SSH2: variants seen among roughly 807,000 people sequenced by gnomAD.
SSH2 encodes protein phosphatase Slingshot homolog 2.
Under a neutral mutation model 135.2 loss-of-function variants are expected in SSH2, and 37 were observed. The ratio of observed to expected loss-of-function variants is 0.27; its 90% CI spans 0.21 to 0.36. SSH2 has a LOEUF of 0.36. Among genes scored for constraint, SSH2 ranks in the 10% least tolerant of loss-of-function variants. The probability of loss-of-function intolerance (pLI) is 1.00; values close to 1 mark genes in which losing one functional copy is unlikely to be tolerated. For missense variants in SSH2, 1,408 were observed against 1,765.3 expected (o/e 0.80, Z 3.63); for synonymous variants, 628 against 646.2 (o/e 0.97, Z 0.43).
Position 29,676,900 on chromosome 17 carries a change from G to T in SSH2, c.549-15C>A. ...CACTGAACCCACTAAGGACAAATGA[G>T]AACAAGACAAAAATCCACAAATTAG... On this transcript the variant is annotated splice_polypyrimidine_tract_variant and intron_variant, in intron 7 of 15. Transcript: ENST00000540801. 1 of 1,611,248 alleles carries T rather than the reference G, an allele frequency of 6.2e-7. No homozygotes were observed. Among genetic ancestry groups the T allele is most frequent in the South Asian group, 1.1e-5 (1 of 90,908 alleles).
chr17:29,913,347 AATATATATATATAT>A lies in SSH2; in HGVS notation c.63+16577_63+16590del, dbSNP rs56068605. Among the ~76,000 whole-genome samples the A allele has an allele frequency of 4.9e-4, 14 of 28,786 alleles. 1 individual carries two copies. Among genetic ancestry groups the A allele is most frequent in the African/African-American group, 1.1e-3 (9 of 8,056 alleles). The allele number at this position is 28,786 out of a possible 152,430, so 18.9% of individuals were successfully genotyped here. A position where few individuals can be genotyped will look rare whatever the true frequency, so the allele number is the denominator to read the frequency against. On this transcript the variant is annotated intron_variant, in intron 1 of 15. Coordinates refer to ENST00000540801, the MANE Select transcript of SSH2 (RefSeq NM_001282129.2). ...AAAAAAAAAAAAAAAAAAAAAAAAA[AATATATATATATAT>A]ATATATATATATATATATATATCCA...
intron 1 of SSH2, among the ~76,000 whole-genome samples, chr17:29,876,248 C>T (rs1047839368): frequency 6.8e-6 from 1 of 146,654 alleles, no homozygotes; most frequent in African/African-American, 2.5e-5. Context: ...AATTATACTA[C>T]AAAGGAATAG....
intron 3 of SSH2, among the ~76,000 whole-genome samples, chr17:29,752,189 T>C (rs1231514255): frequency 6.6e-6 from 1 of 152,100 alleles, no homozygotes; most frequent in Non-Finnish European, 1.5e-5. Flanking sequence ...AAAGTGAAAA[T>C]TGATAAGCTG....
intron 1 of SSH2, among the ~76,000 whole-genome samples, chr17:29,869,508 G>A (rs2151419806): frequency 6.6e-6 from 1 of 152,216 alleles, no homozygotes. Context: ...CTAAGCTTTA[G>A]GCCAAAGGGA....
intron 1 of SSH2, among the ~76,000 whole-genome samples, chr17:29,911,078 T>C (rs1250548026): frequency 6.6e-6 from 1 of 152,226 alleles, no homozygotes; most frequent in Non-Finnish European, 1.5e-5. Context: ...CATCCTCAAA[T>C]ATCACATGCT....
intron 8 of SSH2, 96 bp from the exon 9 acceptor site, chr17:29,672,225 T>A (rs1158363532): frequency 5.5e-6 from 5 of 909,102 alleles, no homozygotes; most frequent in Non-Finnish European, 8.2e-6. Flanking sequence ...TTAAATTCTA[T>A]AGAATTTGTC....
intron 3 of SSH2, among the ~76,000 whole-genome samples, chr17:29,724,981 G>T (rs1377245515): frequency 6.6e-6 from 1 of 151,948 alleles, no homozygotes; most frequent in Non-Finnish European, 1.5e-5. Flanking sequence ...TCATTCAACA[G>T]GTATTTGTTG....
At chr17:29,812,647 T>C (rs1285239982) in intron 2 of SSH2, among the ~76,000 whole-genome samples, 1 of 152,162 alleles carries the variant, frequency 6.6e-6, no homozygotes, top group Non-Finnish European at 1.5e-5. Flanking sequence ...TCCCAGCACT[T>C]TGGGACACCG....
rs577399132 is a variant in SSH2, at chr17:29,883,886, C to T, written c.64-34957G>A. 2.0e-5 allele frequency among the ~76,000 whole-genome samples: 3 copies of T among 152,270 alleles called. No homozygotes were observed. In the South Asian group the frequency reaches 6.2e-4, roughly 32 times the overall value. On this transcript the variant is annotated intron_variant, in intron 1 of 15. Transcript: ENST00000540801. Reference sequence around the variant, plus strand: ...CTTTAAAAACAAGAAAAATATTTGACCTTGCATTCCTCCATCTAGATATAA... The same window carrying T: ...CTTTAAAAACAAGAAAAATATTTGATCTTGCATTCCTCCATCTAGATATAA...
At chr17:29,662,405 A>C (rs2037086652) in intron 11 of SSH2, among the ~76,000 whole-genome samples, 1 of 152,224 alleles carries the variant, frequency 6.6e-6, no homozygotes, top group African/African-American at 2.4e-5. Context: ...ATATTTTATC[A>C]TATCATTCCT....
At chr17:29,768,289 A>ATTTT (rs545565554) in intron 3 of SSH2, among the ~76,000 whole-genome samples, 1 of 139,812 alleles carries the variant, frequency 7.2e-6, no homozygotes, top group Non-Finnish European at 1.6e-5. Context: ...ATAAATGTAA[A>ATTTT]TTTTTTTTTT....
chr17:29,863,192 C>T (rs2065795293), intron 1 of SSH2, among the ~76,000 whole-genome samples: 1 of 152,054 alleles, frequency 6.6e-6, no homozygotes, highest in Admixed American at 6.6e-5. Flanking sequence ...AAAAGATTGC[C>T]AACTCCTGGC....
intron 1 of SSH2, among the ~76,000 whole-genome samples, chr17:29,860,119 A>C (rs749081763): frequency 2.6e-5 from 4 of 152,098 alleles, no homozygotes; most frequent in Non-Finnish European, 4.4e-5. Context: ...AAGTGCTGGG[A>C]TTATAGGCGT....
chr17:29,782,440 T>G (rs1279140491), intron 3 of SSH2, among the ~76,000 whole-genome samples: 1 of 152,126 alleles, frequency 6.6e-6, no homozygotes, highest in Admixed American at 6.6e-5. Context: ...TTCTTGATAG[T>G]TTTCTTGCCT....
intron 4 of SSH2, among the ~76,000 whole-genome samples, chr17:29,699,632 C>A (rs1293531846): frequency 6.6e-6 from 1 of 152,170 alleles, no homozygotes; most frequent in Non-Finnish European, 1.5e-5. Flanking sequence ...AAAATGCCAA[C>A]CAGTGCCAGG....
intron 1 of SSH2, among the ~76,000 whole-genome samples, chr17:29,878,637 C>T (rs1371835688): frequency 2.6e-5 from 4 of 152,150 alleles, no homozygotes; most frequent in African/African-American, 7.2e-5. Flanking sequence ...ATCTCCCTTA[C>T]TACCTTATTC....
chr17:29,638,640 C>T (rs1347138443), intron 14 of SSH2, among the ~76,000 whole-genome samples: 2 of 151,894 alleles, frequency 1.3e-5, no homozygotes, highest in Non-Finnish European at 2.9e-5. Context: ...ACCTCCTGGG[C>T]TCAGGTGATT....
intron 12 of SSH2, among the ~76,000 whole-genome samples, chr17:29,652,032 C>G (rs565419624): frequency 6.6e-6 from 1 of 152,098 alleles, no homozygotes; most frequent in Non-Finnish European, 1.5e-5. Context: ...ATTCCAGCTA[C>G]TTGGGAGGCT....
At chr17:29,916,762 C>T (rs963602887) in intron 1 of SSH2, among the ~76,000 whole-genome samples, 8 of 152,070 alleles carry the variant, frequency 5.3e-5, no homozygotes, top group Non-Finnish European at 1.0e-4. Context: ...TATCAAACTC[C>T]AAAGAATCAA....
Sources: allele counts gnomAD v4.1 joint callset (sites outside exome capture counted in the v4.1 genomes callset), GRCh38; gene constraint gnomAD v4.1.1; transcripts MANE v1.5; gene names NCBI Gene and HGNC (gene_info 2026-07-23, HGNC 2026-07-21).